RASSF3: variants seen among roughly 807,000 people sequenced by gnomAD.
The protein encoded by RASSF3 is ras association domain-containing protein 3.
A neutral mutation model predicts 19.9 loss-of-function variants in RASSF3; 19 were observed. The ratio of observed to expected loss-of-function variants is 0.96; its 90% CI spans 0.67 to 1.40. The LOEUF (loss-of-function observed/expected upper bound fraction) is 1.40, where lower values mean the gene tolerates loss of function less well. Among genes scored for constraint, RASSF3 ranks in the 40% most tolerant of loss-of-function variants. The pLI, the probability that RASSF3 is intolerant of heterozygous loss-of-function variation, is 0.00. For synonymous variants in RASSF3, 110 were observed against 104.2 expected, an observed-to-expected ratio of 1.06 and a Z score of -0.34; for missense variants, 306 against 289.8, an observed-to-expected ratio of 1.06 and a Z score of -0.41.
chr12:64,628,359 T>G (rs1871060602), intron 1 of RASSF3: 1 of 152,212 alleles, frequency 6.6e-6, no homozygotes, highest in African/African-American at 2.4e-5. Flanking sequence ...AGGATGAATG[T>G]ATGAGAATCA....
rs116161090 is a variant in RASSF3, at chr12:64,663,023, T to C, written c.112-21764T>C. The stretch of plus-strand genomic sequence containing the variant: ...ATATAATGTACTGTGCCTTTTGTTA[T>C]AAAACGCAGACCTTTAAATAGAAAC... On this transcript the variant is annotated intron_variant, in intron 1 of 4. Transcript: ENST00000542104. 3.3e-3 allele frequency among the ~76,000 whole-genome samples: 497 copies of C among 152,318 alleles called. 5 individuals are homozygous for C. Among genetic ancestry groups the C allele is most frequent in the African/African-American group, 0.012 (480 of 41,568 alleles).
chr12:64,687,427 G>T (rs1372233296), intron 2 of RASSF3, among the ~76,000 whole-genome samples: 1 of 151,868 alleles, frequency 6.6e-6, no homozygotes, highest in African/African-American at 2.4e-5. Flanking sequence ...TCTGTACTGT[G>T]AAGTATAGTG....
intron 1 of RASSF3, among the ~76,000 whole-genome samples, chr12:64,651,781 A>G (rs924001829): frequency 1.3e-5 from 2 of 151,684 alleles, no homozygotes; most frequent in Admixed American, 1.3e-4. Flanking sequence ...TTCACCCTCA[A>G]TCTCCTGAGT....
chr12:64,669,718 G>A (rs1872635689), intron 1 of RASSF3, among the ~76,000 whole-genome samples: 1 of 151,654 alleles, frequency 6.6e-6, no homozygotes, highest in Non-Finnish European at 1.5e-5. Context: ...AGTCCGGCTG[G>A]GCCACTGACC....
intron 1 of RASSF3, among the ~76,000 whole-genome samples, chr12:64,666,603 A>G (rs1459159278): frequency 6.6e-6 from 1 of 152,226 alleles, no homozygotes; most frequent in Non-Finnish European, 1.5e-5. Context: ...AGGTAAAGCC[A>G]GGAATGGCTT....
chr12:64,543,421 G>C (rs775092714), downstream of RASSF3, among the ~76,000 whole-genome samples: 22,677 of 55,494 alleles, frequency 0.41, 5,266 homozygotes, highest in African/African-American at 0.7. Flanking sequence ...CCCGCCCCCC[G>C]GCTCCCCGCC....
intron 2 of RASSF3, among the ~76,000 whole-genome samples, chr12:64,593,767 G>C (rs907231492): frequency 2.6e-5 from 4 of 151,924 alleles, no homozygotes; most frequent in African/African-American, 9.7e-5. Context: ...TTTATTTGAA[G>C]GGTCATGGGG....
At chr12:64,660,986 A>C (rs1208370559) in intron 1 of RASSF3, among the ~76,000 whole-genome samples, 1 of 151,992 alleles carries the variant, frequency 6.6e-6, no homozygotes, top group Non-Finnish European at 1.5e-5. Context: ...ATAATAGAAC[A>C]CCCCTTTCTT....
Position 64,697,471 on chromosome 12 carries a change from GGTTTAA to G in RASSF3, c.*2565_*2570del, listed in dbSNP as rs773311393. The G allele has an allele frequency of 2.6e-5, 4 of 152,014 alleles. No homozygotes were observed. Among genetic ancestry groups the G allele is most frequent in the South Asian group, 2.1e-4 (1 of 4,828 alleles). 9.4% of individuals were successfully genotyped at this position (152,014 alleles called of 1,614,324 possible). ...AGTTATAATATTTATAATTTTGATG[GGTTTAA>G]GTTTATTTTTGTAGGGAAGATTTTT... On this transcript the variant is annotated 3_prime_UTR_variant, in exon 5 of 5. Coordinates refer to ENST00000542104, the MANE Select transcript of RASSF3 (RefSeq NM_178169.4).
chr12:64,634,310 C>CTT (rs201068575), intron 1 of RASSF3, among the ~76,000 whole-genome samples: 18 of 143,144 alleles, frequency 1.3e-4, no homozygotes, highest in East Asian at 2.0e-4. Flanking sequence ...TCATCTTGTC[C>CTT]TTTTTTTTTT....
At position 64,697,229 on chromosome 12, in the gene RASSF3, C is replaced by G. The variant is rs1868394070; in HGVS notation, c.*2317C>G. The G allele has an allele frequency of 6.6e-6, 1 of 151,980 alleles. No individual in the cohort carries two copies. Among genetic ancestry groups the G allele is most frequent in the Admixed American group, 6.6e-5 (1 of 15,254 alleles). 9.4% of individuals were successfully genotyped at this position (151,980 alleles called of 1,614,324 possible). On this transcript the variant is annotated 3_prime_UTR_variant, in exon 5 of 5. Coordinates refer to ENST00000542104, the MANE Select transcript of RASSF3 (RefSeq NM_178169.4). Reference sequence around the variant, plus strand: ...GGTTCTTGAAGACTGATGTCCTTTCCCAAACACTGGTTACTGCAGCAGCAT... The same window carrying G: ...GGTTCTTGAAGACTGATGTCCTTTCGCAAACACTGGTTACTGCAGCAGCAT...
intron 1 of RASSF3, among the ~76,000 whole-genome samples, chr12:64,539,555 CACTTG>C (rs1378034131): frequency 1.3e-5 from 2 of 152,138 alleles, no homozygotes; most frequent in Non-Finnish European, 2.9e-5. Context: ...GGGGGCGGAT[CACTTG>C]AGCCCAGGAG....
rs1226885486 is a variant in RASSF3, at chr12:64,675,045, GCCCCCC to G, written c.112-9733_112-9728del. Among the ~76,000 whole-genome samples, 6 of 57,490 alleles carry G rather than the reference GCCCCCC, an allele frequency of 1.0e-4. No individual in the cohort carries two copies. The South Asian group carries it at 2.5e-3, about 24-fold the overall frequency. The allele number at this position is 57,490 out of a possible 152,430, so 37.7% of individuals were successfully genotyped here. On this transcript the variant is annotated intron_variant, in intron 1 of 4. Coordinates refer to ENST00000542104, the MANE Select transcript of RASSF3 (RefSeq NM_178169.4). ...AGAAGTTGTCTAAAATACCCACCTA[GCCCCCC>G]CCCCCCCCGCCACCCCGGCTTCTTG...
intron 2 of RASSF3, among the ~76,000 whole-genome samples, chr12:64,591,441 A>T (rs1177653808): frequency 6.6e-6 from 1 of 151,100 alleles, no homozygotes; most frequent in Non-Finnish European, 1.5e-5. Flanking sequence ...CCGCCACTGC[A>T]CTCCAGGCCC....
chr12:64,507,487 A>G (rs1592382330), intron 1 of RASSF3: 2 of 393,242 alleles, frequency 5.1e-6, no homozygotes, highest in Admixed American at 4.4e-5. Context: ...TGGAGGGAAA[A>G]TTGAGAGAAA....
intron 1 of RASSF3, among the ~76,000 whole-genome samples, chr12:64,648,465 C>G (rs12229218): frequency 2.6e-5 from 4 of 151,416 alleles, no homozygotes; most frequent in Admixed American, 2.0e-4. Context: ...GGCTAGAGCT[C>G]TAGGGCATAG....
intron 1 of RASSF3, among the ~76,000 whole-genome samples, chr12:64,672,965 A>G (rs1872748254): frequency 6.6e-6 from 1 of 152,082 alleles, no homozygotes; most frequent in African/African-American, 2.4e-5. Context: ...AGTTTCCCAG[A>G]TGGGCTCCAC....
At chr12:64,614,021 A>G (rs1462880814) in intron 1 of RASSF3, among the ~76,000 whole-genome samples, 5 of 151,952 alleles carry the variant, frequency 3.3e-5, no homozygotes, top group Non-Finnish European at 7.4e-5. Flanking sequence ...TGTCATGTTT[A>G]TTGTATCCGC....
At chr12:64,607,655 G>A (rs1004200089), upstream of RASSF3, among the ~76,000 whole-genome samples, 4 of 152,114 alleles carry the variant, frequency 2.6e-5, no homozygotes, top group Admixed American at 2.6e-4. Flanking sequence ...CATTACAGGC[G>A]TGAGCCACCT....
Sources: gnomAD v4.1 joint callset for allele counts (sites outside exome capture counted in the v4.1 genomes callset) on GRCh38, gnomAD v4.1.1 for gene constraint, MANE v1.5 for transcripts, NCBI Gene and HGNC (gene_info 2026-07-23, HGNC 2026-07-21) for gene names.